Variants in RORA observed in about 807,000 individuals in gnomAD.
RORA encodes the protein nuclear receptor ROR-alpha.
RORA carries 7 observed loss-of-function variants against 69.5 expected under a neutral mutation model. The ratio of observed to expected loss-of-function variants is 0.10; its 90% CI spans 0.06 to 0.19. The LOEUF (loss-of-function observed/expected upper bound fraction) is 0.19. RORA is among the 10% of genes least tolerant of loss of function. The pLI is 1.00. For synonymous variants in RORA, 261 were observed against 240.8 expected (o/e 1.08, Z -0.78); for missense variants, 457 against 663.0 (o/e 0.69, Z 3.41).
rs149468856 is a variant in RORA at position 60,778,609 on chromosome 15, G to C, written c.167-99923C>G. On this transcript the variant is annotated intron_variant, in intron 1 of 10. Coordinates refer to ENST00000335670, the MANE Select transcript of RORA (RefSeq NM_134261.3). ...GTCAGATTCTCTGTTTGGCTTTCTC[G>C]GGGCCTTGAAGGTAGGGGGTCAGGA... Among the ~76,000 whole-genome samples, 976 of 152,086 alleles carry C rather than the reference G, an allele frequency of 6.4e-3. 5 individuals carry two copies. The highest frequency in any genetic ancestry group is 0.01 in the Middle Eastern group (3 of 294).
rs566060939 is a variant in RORA, at chr15:60,959,407, C to T, written c.166+269646G>A. 9.8e-5 allele frequency among the ~76,000 whole-genome samples: 15 copies of T among 152,334 alleles called. No individual in the cohort carries two copies. In the East Asian group the frequency reaches 1.2e-3, roughly 12 times the overall value. ...ACTGGAGTCCTAGTTCAACCACGTA[C>T]CTGATAGTGACTTTGTTCCAATGTC... is the stretch of plus-strand genomic sequence containing the variant. On this transcript the variant is annotated intron_variant, in intron 1 of 10. Transcript: ENST00000335670.
Position 60,679,109 on chromosome 15 carries a change from T to C in RORA, c.167-423A>G, listed in dbSNP as rs541262521. On this transcript the variant is annotated intron_variant, in intron 1 of 10. Transcript: ENST00000335670. Reference sequence around the variant, plus strand: ...GCAATTAATTTGCTATGGCCATTGGTTCTGTGTTTACTCTTTAATGAAAAC... The same window carrying C: ...GCAATTAATTTGCTATGGCCATTGGCTCTGTGTTTACTCTTTAATGAAAAC... 3.3e-5 allele frequency among the ~76,000 whole-genome samples: 5 copies of C among 152,198 alleles called. No homozygotes were observed. The East Asian group carries it at 9.7e-4, about 29-fold the overall frequency.
chr15:60,850,296 C>T lies in RORA; in HGVS notation c.167-171610G>A, dbSNP rs192412116. Among the ~76,000 whole-genome samples, 20 of 152,304 alleles carry T rather than the reference C, an allele frequency of 1.3e-4. No homozygotes were observed. In the East Asian group the frequency reaches 3.9e-3, roughly 29 times the overall value. On this transcript the variant is annotated intron_variant, in intron 1 of 10. Coordinates refer to ENST00000335670, the MANE Select transcript of RORA (RefSeq NM_134261.3). ...TGGAACAGTTCTCAAAGTATACCTCCCTGAAATTCCCCTCCTCATCCATGA... is the reference window on the plus strand; with the variant it reads ...TGGAACAGTTCTCAAAGTATACCTCTCTGAAATTCCCCTCCTCATCCATGA...
chr15:61,038,291 A>C (rs1896564923), intron 1 of RORA, among the ~76,000 whole-genome samples: 1 of 152,228 alleles, frequency 6.6e-6, no homozygotes, highest in East Asian at 1.9e-4. Flanking sequence ...TTTTCTTCTT[A>C]TATATGGTTG....
intron 1 of RORA, among the ~76,000 whole-genome samples, chr15:60,845,741 A>C (rs2073257094): frequency 6.6e-6 from 1 of 152,128 alleles, no homozygotes; most frequent in African/African-American, 2.4e-5. Context: ...CAGTATGTGA[A>C]GCCATTTTTT....
At chr15:60,731,158 G>A (rs1480900156) in intron 1 of RORA, among the ~76,000 whole-genome samples, 3 of 152,190 alleles carry the variant, frequency 2.0e-5, no homozygotes, top group Non-Finnish European at 4.4e-5. Context: ...ACTTTGGTGA[G>A]CCATATGGAG....
intron 1 of RORA, among the ~76,000 whole-genome samples, chr15:61,174,183 C>T (rs2079608275): frequency 6.6e-6 from 1 of 152,204 alleles, no homozygotes; most frequent in African/African-American, 2.4e-5. Context: ...GCTTTCCTCC[C>T]AGGCCTGGCT....
chr15:60,931,616 G>C (rs1237525979), intron 1 of RORA, among the ~76,000 whole-genome samples: 1 of 152,234 alleles, frequency 6.6e-6, no homozygotes, highest in African/African-American at 2.4e-5. Context: ...ATGCTCCAGA[G>C]TGTCTTGCAC....
At chr15:60,653,083 G>A (rs1240634558) in intron 2 of RORA, among the ~76,000 whole-genome samples, 3 of 152,176 alleles carry the variant, frequency 2.0e-5, no homozygotes, top group East Asian at 1.9e-4. Context: ...GAGATGTTAC[G>A]CTGTGGGCTT....
At chr15:60,600,295 G>C (rs1252038382) in intron 2 of RORA, among the ~76,000 whole-genome samples, 1 of 152,178 alleles carries the variant, frequency 6.6e-6, no homozygotes, top group Middle Eastern at 3.2e-3. Context: ...GCAAATGCTG[G>C]CATTATTTTG....
At chr15:60,599,813 A>T (rs1469608180) in intron 2 of RORA, among the ~76,000 whole-genome samples, 2 of 152,248 alleles carry the variant, frequency 1.3e-5, no homozygotes, top group African/African-American at 4.8e-5. Flanking sequence ...TGTGCTTCAG[A>T]AAATAAATCT....
At chr15:61,208,200 T>A (rs1194579594) in intron 1 of RORA, among the ~76,000 whole-genome samples, 3 of 152,318 alleles carry the variant, frequency 2.0e-5, no homozygotes, top group East Asian at 3.9e-4. Flanking sequence ...TACATCCACA[T>A]AATGGAAGAT....
intron 2 of RORA, among the ~76,000 whole-genome samples, chr15:60,591,501 C>T (rs950465855): frequency 2.6e-5 from 4 of 152,236 alleles, no homozygotes; most frequent in South Asian, 4.1e-4. Flanking sequence ...CTCCCTCCAA[C>T]CAAATCCCCC....
intron 1 of RORA, among the ~76,000 whole-genome samples, chr15:60,906,989 G>A (rs993541755): frequency 1.3e-5 from 2 of 152,162 alleles, no homozygotes; most frequent in Admixed American, 1.3e-4. Flanking sequence ...CAGAGTGAGT[G>A]TGTGACTCAA....
chr15:60,603,656 G>A (rs1240002170), intron 2 of RORA, among the ~76,000 whole-genome samples: 1 of 152,160 alleles, frequency 6.6e-6, no homozygotes, highest in Non-Finnish European at 1.5e-5. Context: ...AGTATGTATT[G>A]TTGATTCAAT....
intron 1 of RORA, chr15:60,848,525 A>C (rs551077920): frequency 6.6e-6 from 1 of 152,412 alleles, no homozygotes; most frequent in East Asian, 1.9e-4. Context: ...AGCCTTCAGA[A>C]GGAATGCAGG....
intron 1 of RORA, among the ~76,000 whole-genome samples, chr15:60,819,757 A>ACACACACACACACACACACG (rs1304640453): frequency 1.0e-4 from 6 of 59,492 alleles, no homozygotes; most frequent in African/African-American, 2.3e-4. Context: ...ACACACACAC[A>ACACACACACACACACACACG]CACACACACA....
chr15:61,079,148 A>G (rs2078499551), intron 1 of RORA, among the ~76,000 whole-genome samples: 1 of 152,200 alleles, frequency 6.6e-6, no homozygotes, highest in Non-Finnish European at 1.5e-5. Context: ...AAAAAAAAGT[A>G]CTAGCTCTAA....
chr15:60,702,570 G>A (rs2070999447), intron 1 of RORA, among the ~76,000 whole-genome samples: 2 of 152,294 alleles, frequency 1.3e-5, no homozygotes, highest in South Asian at 4.1e-4. Context: ...ATCAAGCAAT[G>A]ACCAGTGTGG....
Sources: allele counts gnomAD v4.1 joint callset (sites outside exome capture counted in the v4.1 genomes callset), GRCh38; gene constraint gnomAD v4.1.1; transcripts MANE v1.5; gene names NCBI Gene and HGNC (gene_info 2026-07-23, HGNC 2026-07-21).